Variants in GRIN2A observed in about 807,000 individuals in gnomAD.
GRIN2A encodes the protein glutamate ionotropic receptor NMDA type subunit 2A.
Under a neutral mutation model 113.4 loss-of-function variants are expected in GRIN2A, and 22 were observed. The observed-to-expected ratio is 0.19, with a 90% CI of 0.14 to 0.28. The LOEUF is 0.28. GRIN2A is among the 10% of genes least tolerant of loss of function. The pLI is 1.00. For synonymous variants in GRIN2A, 827 were observed against 738.4 expected (o/e 1.12, Z -1.94); for missense variants, 1,502 against 1,887.0 (o/e 0.80, Z 3.78).
At chr16:10,070,219 G>A (rs932344999) in intron 2 of GRIN2A, among the ~76,000 whole-genome samples, 8 of 152,108 alleles carry the variant, frequency 5.3e-5, no homozygotes, top group African/African-American at 1.4e-4. Flanking sequence ...GGTGCCCCAG[G>A]TGCTCCTGCA....
At chr16:10,003,728 C>A (rs189290327) in intron 2 of GRIN2A, among the ~76,000 whole-genome samples, 1 of 152,082 alleles carries the variant, frequency 6.6e-6, no homozygotes, top group African/African-American at 2.4e-5. Flanking sequence ...GAGGCCATGT[C>A]GGCAGAATAT....
chr16:9,755,890 A>G lies in GRIN2A; in HGVS notation c.*7259T>C, dbSNP rs1900332753. On this transcript the variant is annotated 3_prime_UTR_variant, in exon 13 of 13. Transcript: ENST00000330684. ...AAGGAACAGACCAAGAAGGAAAACA[A>G]CAACAACATTTTAATAGCTGGTCCT... 1 of 209,554 alleles carries G rather than the reference A, an allele frequency of 4.8e-6. No homozygotes were observed. The highest frequency in any genetic ancestry group is 9.7e-6 in the Non-Finnish European group (1 of 102,886). The allele number at this position is 209,554 out of a possible 1,614,324, so 13.0% of individuals were successfully genotyped here. A position where few individuals can be genotyped will look rare whatever the true frequency, so the allele number is the denominator to read the frequency against.
intron 2 of GRIN2A, among the ~76,000 whole-genome samples, chr16:10,045,287 A>G (rs1286528911): frequency 3.9e-5 from 6 of 152,162 alleles, no homozygotes; most frequent in Non-Finnish European, 8.8e-5. Flanking sequence ...CTCCTTCAGG[A>G]AAGTATTATT....
intron 12 of GRIN2A, among the ~76,000 whole-genome samples, chr16:9,766,307 A>G (rs969562092): frequency 6.6e-6 from 1 of 152,108 alleles, no homozygotes; most frequent in Non-Finnish European, 1.5e-5. Context: ...GGACAAGCTC[A>G]CCCTGCAGGG....
At chr16:10,025,753 C>T (rs1221962170) in intron 2 of GRIN2A, among the ~76,000 whole-genome samples, 1 of 152,172 alleles carries the variant, frequency 6.6e-6, no homozygotes, top group Non-Finnish European at 1.5e-5. Context: ...CCCTGCCTCC[C>T]TATATCGGCT....
At chr16:10,141,685 C>A (rs1057328538) in intron 2 of GRIN2A, among the ~76,000 whole-genome samples, 1 of 152,154 alleles carries the variant, frequency 6.6e-6, no homozygotes, top group Non-Finnish European at 1.5e-5. Context: ...CAGACCTTTT[C>A]ATATATTTCT....
chr16:9,893,119 G>A (rs1279421316), intron 3 of GRIN2A, among the ~76,000 whole-genome samples: 2 of 152,042 alleles, frequency 1.3e-5, no homozygotes, highest in Non-Finnish European at 2.9e-5. Flanking sequence ...TGGGGAAAAG[G>A]AAAAGAGCAA....
Position 10,111,828 on chromosome 16 carries a change from C to A in GRIN2A, c.414+68170G>T, listed in dbSNP as rs925101880. ...GCATCCTCATCACTGAGATGGGCAC[C>A]ATGGGGAGCAAGTTGGTGGGCATCA... On this transcript the variant is annotated intron_variant, in intron 2 of 12. Coordinates refer to ENST00000330684, the MANE Select transcript of GRIN2A (RefSeq NM_001134407.3). The A allele has an allele frequency of 3.1e-5, 38 of 1,241,528 alleles. No individual in the cohort carries two copies. The African/African-American group carries it at 5.3e-4, about 17-fold the overall frequency. 76.9% of individuals were successfully genotyped at this position (1,241,528 alleles called of 1,614,324 possible).
intron 11 of GRIN2A, among the ~76,000 whole-genome samples, chr16:9,789,561 C>G (rs1329165346): frequency 3.4e-5 from 2 of 59,404 alleles, no homozygotes; most frequent in Non-Finnish European, 6.5e-5. Flanking sequence ...CATACACACA[C>G]ACACACACAC....
chr16:10,013,154 A>T (rs1256042822), intron 2 of GRIN2A, among the ~76,000 whole-genome samples: 1 of 152,158 alleles, frequency 6.6e-6, no homozygotes, highest in Non-Finnish European at 1.5e-5. Flanking sequence ...CCTAAAATAA[A>T]AGTTTCAAAA....
chr16:9,954,240 T>G (rs539701757), intron 2 of GRIN2A, among the ~76,000 whole-genome samples: 8 of 152,282 alleles, frequency 5.3e-5, no homozygotes, highest in African/African-American at 1.9e-4. Flanking sequence ...ATTCCTTAGT[T>G]TTTCACCCCG....
chr16:10,144,125 G>T (rs1596549732), intron 2 of GRIN2A, among the ~76,000 whole-genome samples: 1 of 152,142 alleles, frequency 6.6e-6, no homozygotes, highest in Non-Finnish European at 1.5e-5. Context: ...TGGATCATAA[G>T]ATAGTTCCAT....
intron 3 of GRIN2A, among the ~76,000 whole-genome samples, chr16:9,923,381 T>A (rs1042905319): frequency 7.2e-5 from 11 of 152,304 alleles, no homozygotes; most frequent in Middle Eastern, 3.4e-3. Flanking sequence ...TAGAGTTGGT[T>A]CTTGCTTTGT....
At chr16:10,100,393 T>A (rs1309165867) in intron 2 of GRIN2A, among the ~76,000 whole-genome samples, 1 of 152,176 alleles carries the variant, frequency 6.6e-6, no homozygotes, top group Non-Finnish European at 1.5e-5. Flanking sequence ...TGGCAAGAGA[T>A]GTTGAGTGTT....
chr16:10,073,932 A>G (rs1446259457), intron 2 of GRIN2A, among the ~76,000 whole-genome samples: 2 of 151,806 alleles, frequency 1.3e-5, no homozygotes, highest in African/African-American at 4.8e-5. Flanking sequence ...AAAAAAAAAA[A>G]AACGAAGTGA....
intron 2 of GRIN2A, among the ~76,000 whole-genome samples, chr16:10,078,214 A>G (rs181620464): frequency 4.6e-5 from 7 of 152,322 alleles, no homozygotes; most frequent in Non-Finnish European, 8.8e-5. Context: ...AAACATCTTC[A>G]TAACATGTGA....
chr16:10,166,690 A>C (rs2049931972), intron 2 of GRIN2A, among the ~76,000 whole-genome samples: 1 of 152,218 alleles, frequency 6.6e-6, no homozygotes, highest in Non-Finnish European at 1.5e-5. Context: ...GGACAAAGCC[A>C]AGAAATGTAT....
chr16:9,878,958 T>G (rs1362699833), intron 4 of GRIN2A, among the ~76,000 whole-genome samples: 2 of 152,168 alleles, frequency 1.3e-5, no homozygotes, highest in Non-Finnish European at 2.9e-5. Context: ...GCTAGAGATC[T>G]ACTATATTTT....
At chr16:9,826,585 A>G (rs1217691933) in intron 9 of GRIN2A, among the ~76,000 whole-genome samples, 1 of 152,224 alleles carries the variant, frequency 6.6e-6, no homozygotes, top group South Asian at 2.1e-4. Context: ...CAATAAATTG[A>G]TTCAATATTG....
Sources: gnomAD v4.1 joint callset for allele counts (sites outside exome capture counted in the v4.1 genomes callset) on GRCh38, gnomAD v4.1.1 for gene constraint, MANE v1.5 for transcripts, NCBI Gene and HGNC (gene_info 2026-07-23, HGNC 2026-07-21) for gene names.